The following ATG7 variants were observed in gnomAD, a reference collection of about 807,000 sequenced individuals.
ATG7 encodes ubiquitin-like modifier-activating enzyme ATG7.
In ATG7, 70 loss-of-function variants were observed where a neutral mutation model predicts 82.4. The ratio of observed to expected loss-of-function variants is 0.85; its 90% CI spans 0.70 to 1.04. The LOEUF (loss-of-function observed/expected upper bound fraction) is 1.04. Ranked by LOEUF, ATG7 falls within the 50% of genes least tolerant of loss-of-function variation. The pLI is 0.00. For missense variants in ATG7, 792 were observed against 864.3 expected, an observed-to-expected ratio of 0.92 and a Z score of 1.05; for synonymous variants, 287 against 313.0, an observed-to-expected ratio of 0.92 and a Z score of 0.88.
chr3:11,332,963 T>A lies in ATG7; in HGVS notation c.768-9T>A. On this transcript the variant is annotated splice_polypyrimidine_tract_variant and intron_variant, in intron 10 of 20. Coordinates refer to ENST00000693202, the MANE Select transcript of ATG7 (RefSeq NM_001349232.2). ...TAATAAATAAATAAAAATCCGGGCA[T>A]GACAACAGGAGTAGCAGTTTCCAGT... The A allele has an allele frequency of 6.8e-7, 1 of 1,467,752 alleles. No individual in the cohort carries two copies. The highest frequency in any genetic ancestry group is 9.0e-7 in the Non-Finnish European group (1 of 1,110,350). 90.9% of individuals were successfully genotyped at this position (1,467,752 alleles called of 1,614,324 possible). A position where few individuals can be genotyped will look rare whatever the true frequency, so the allele number is the denominator to read the frequency against.
At chr3:11,470,775 G>A (rs962865587) in intron 20 of ATG7, among the ~76,000 whole-genome samples, 1 of 152,202 alleles carries the variant, frequency 6.6e-6, no homozygotes, top group African/African-American at 2.4e-5. Context: ...GAACTGAGCC[G>A]AGCCAGGAGA....
chr3:11,414,920 T>C (rs751464942), intron 19 of ATG7, among the ~76,000 whole-genome samples: 2 of 152,246 alleles, frequency 1.3e-5, no homozygotes, highest in Non-Finnish European at 2.9e-5. Context: ...TCGTGGCATA[T>C]AATTCTTTTT....
At chr3:11,480,328 A>C (rs1450812014) in intron 20 of ATG7, among the ~76,000 whole-genome samples, 1 of 152,136 alleles carries the variant, frequency 6.6e-6, no homozygotes, top group Non-Finnish European at 1.5e-5. Context: ...TGAGGCCAGA[A>C]GGAGTTCAAG....
At chr3:11,276,497 G>A in intron 1 of ATG7, among the ~76,000 whole-genome samples, 1 of 152,012 alleles carries the variant, frequency 6.6e-6, no homozygotes, top group East Asian at 1.9e-4. Context: ...CTTTTACCCA[G>A]CCACCTTTCT....
In ATG7 at chr3:11,510,972, G is replaced by A. The variant is rs577599424; in HGVS notation, c.2080-43839G>A. On this transcript the variant is annotated intron_variant, in intron 20 of 20. Coordinates refer to ENST00000693202, the MANE Select transcript of ATG7 (RefSeq NM_001349232.2). ...TACAGCTCTTAAGGTGGCGCGTCTG[G>A]AGTCTGTCCCTTCTGATGTTCAGAT... Among the ~76,000 whole-genome samples, 5 of 152,194 alleles carry A rather than the reference G, an allele frequency of 3.3e-5. No homozygotes were observed. The East Asian group carries it at 9.7e-4, about 29-fold the overall frequency.
intron 20 of ATG7, among the ~76,000 whole-genome samples, chr3:11,526,821 A>G (rs763679882): frequency 1.1e-4 from 17 of 152,288 alleles, no homozygotes; most frequent in Admixed American, 2.6e-4. Flanking sequence ...TTTGTTAAGA[A>G]TGAATCTAAA....
rs988522058 is a variant in ATG7, at chr3:11,343,684, C to G, written c.1125+1405C>G. ...TGGTTACATGATAAGGGGTAAAGAT[C>G]TAGCTACTTTTGCACAAAATGGATT... On this transcript the variant is annotated intron_variant, in intron 13 of 20. Coordinates refer to ENST00000693202, the MANE Select transcript of ATG7 (RefSeq NM_001349232.2). Among the ~76,000 whole-genome samples, 6 of 152,098 alleles carry G rather than the reference C, an allele frequency of 3.9e-5. No homozygotes were observed. In the East Asian group the frequency reaches 1.2e-3, roughly 29 times the overall value.
chr3:11,428,098 A>G (rs1266301502), intron 20 of ATG7, among the ~76,000 whole-genome samples: 4 of 152,186 alleles, frequency 2.6e-5, no homozygotes, highest in African/African-American at 9.6e-5. Flanking sequence ...TTTAAGTTGC[A>G]ATTCTTCCCA....
chr3:11,320,069 A>C (rs1224315187), intron 9 of ATG7, among the ~76,000 whole-genome samples: 1 of 152,172 alleles, frequency 6.6e-6, no homozygotes, highest in Non-Finnish European at 1.5e-5. Context: ...CCCTGTGGGC[A>C]TCCAGCCCCA....
At chr3:11,504,543 A>T (rs2091572992) in intron 20 of ATG7, among the ~76,000 whole-genome samples, 1 of 152,230 alleles carries the variant, frequency 6.6e-6, no homozygotes, top group South Asian at 2.1e-4. Context: ...GGCCTGAAGC[A>T]CTGAGGATGA....
At chr3:11,375,277 C>T (rs574354486) in intron 18 of ATG7, among the ~76,000 whole-genome samples, 23 of 152,122 alleles carry the variant, frequency 1.5e-4, no homozygotes, top group Non-Finnish European at 3.1e-4. Context: ...TGATAAGAAA[C>T]CTTTATCCAG....
At chr3:11,435,331 AC>A (rs1408657095) in intron 20 of ATG7, among the ~76,000 whole-genome samples, 1 of 151,996 alleles carries the variant, frequency 6.6e-6, no homozygotes, top group Non-Finnish European at 1.5e-5. Flanking sequence ...CTAATAACTT[AC>A]CTCCTTCACC....
At chr3:11,519,902 A>G (rs1411007836) in intron 20 of ATG7, among the ~76,000 whole-genome samples, 1 of 151,904 alleles carries the variant, frequency 6.6e-6, no homozygotes, top group Non-Finnish European at 1.5e-5. Flanking sequence ...TTTGTTTCAA[A>G]CCAAATCATC....
chr3:11,346,838 ACAGT>A (rs374991564), intron 13 of ATG7, among the ~76,000 whole-genome samples: 1 of 152,354 alleles, frequency 6.6e-6, no homozygotes, highest in African/African-American at 2.4e-5. Context: ...GGGCTTCAAA[ACAGT>A]CAGTCTAACC....
intron 3 of ATG7, among the ~76,000 whole-genome samples, chr3:11,297,182 C>CTGG (rs1405519134): frequency 6.6e-6 from 1 of 152,076 alleles, no homozygotes. Context: ...ATGACAAGAC[C>CTGG]TGGTTTCTAC....
intron 7 of ATG7, 64 bp from the exon 8 acceptor site, chr3:11,313,240 T>C (rs1386504791): frequency 9.4e-7 from 1 of 1,064,724 alleles, no homozygotes; most frequent in Admixed American, 2.2e-5. Context: ...GCTACATTAA[T>C]AGATGCATTT....
At chr3:11,272,745 G>C (rs755203928) in intron 1 of ATG7, 5 of 152,198 alleles carry the variant, frequency 3.3e-5, no homozygotes, top group Non-Finnish European at 7.3e-5. Context: ...GTTGGAACAC[G>C]GGAGATGGGA....
intron 19 of ATG7, among the ~76,000 whole-genome samples, chr3:11,405,272 C>T (rs2080219111): frequency 6.6e-6 from 1 of 152,130 alleles, no homozygotes; most frequent in Admixed American, 6.5e-5. Flanking sequence ...CTCTAAACTC[C>T]ACCCCCACCC....
chr3:11,434,692 T>G (rs955887953), intron 20 of ATG7, among the ~76,000 whole-genome samples: 1 of 152,250 alleles, frequency 6.6e-6, no homozygotes, highest in African/African-American at 2.4e-5. Flanking sequence ...TAAATCGTTA[T>G]TGGGGAAAGT....
Sources: allele counts gnomAD v4.1 joint callset (sites outside exome capture counted in the v4.1 genomes callset), GRCh38; gene constraint gnomAD v4.1.1; transcripts MANE v1.5; gene names NCBI Gene and HGNC (gene_info 2026-07-23, HGNC 2026-07-21).